The following UNC80 variants were observed in gnomAD, a reference collection of about 807,000 sequenced individuals.
UNC80 encodes unc-80 subunit of NALCN channel complex, also known as protein unc-80 homolog.
A neutral mutation model predicts 384.6 loss-of-function variants in UNC80; 164 were observed. That is an observed-to-expected ratio of 0.43 (90% CI 0.38 to 0.49). The LOEUF is 0.49. Among genes scored for constraint, UNC80 ranks in the 20% least tolerant of loss-of-function variants. The pLI is 0.00. For synonymous variants in UNC80, 1,486 were observed against 1,527.8 expected, an observed-to-expected ratio of 0.97 and a Z score of 0.64; for missense variants, 3,330 against 4,143.0, an observed-to-expected ratio of 0.80 and a Z score of 5.39.
chr2:209,870,095 C>A (rs945375344), intron 22 of UNC80, among the ~76,000 whole-genome samples: 1 of 152,122 alleles, frequency 6.6e-6, no homozygotes, highest in African/African-American at 2.4e-5. Context: ...ATAAAATGAT[C>A]CTCTACCCCA....
chr2:209,921,583 G>T lies in UNC80; in HGVS notation c.5427G>T (p.Lys1809Asn), dbSNP rs1407226002. 7.8e-7 allele frequency: 1 copy of T among 1,277,280 alleles called. No individual in the cohort carries two copies. The highest frequency in any genetic ancestry group is 3.2e-5 in the East Asian group (1 of 31,008). The allele number at this position is 1,277,280 out of a possible 1,614,324, so 79.1% of individuals were successfully genotyped here. A position where few individuals can be genotyped will look rare whatever the true frequency, so the allele number is the denominator to read the frequency against. The change falls in exon 34 of 65, where the codon AAG becomes AAT. Residue 1809 changes from lysine to asparagine, a missense_variant. Lys to Asn is a moderately conservative substitution (Grantham distance 94). Around this residue, in one of 8 missense-constraint regions of UNC80, gnomAD observed 1,049 missense variants for 1,488.6 expected, o/e 0.70. Transcript: ENST00000673920. The part of the protein sequence containing the change: ...ILKNLQQEEE[K>N]KRLGREASLI... ...AGAACTTGCAGCAGGAGGAAGAAAA[G>T]AAACGACTTGGTAGAGAAGCCAGCC...
chr2:209,819,405 C>A, intron 12 of UNC80, 144 bp downstream of exon 12: 3 of 701,128 alleles, frequency 4.3e-6, no homozygotes, highest in South Asian at 2.0e-5. Flanking sequence ...AAAAAATTCA[C>A]CAATGTTTCA....
intron 51 of UNC80, among the ~76,000 whole-genome samples, chr2:209,964,267 A>ATCG (rs68068715): frequency 2.4e-3 from 156 of 66,262 alleles, no homozygotes; most frequent in African/African-American, 0.016. Context: ...AACAACTAAT[A>ATCG]TAAAAAGAGT....
chr2:209,923,704 A>G (rs1413135192), intron 35 of UNC80, among the ~76,000 whole-genome samples: 1 of 152,140 alleles, frequency 6.6e-6, no homozygotes, highest in Non-Finnish European at 1.5e-5. Context: ...CACTTACAGT[A>G]TACTTTGTCT....
In UNC80 at chr2:209,976,487, T is replaced by C. The variant is rs2093017271; in HGVS notation, c.8772+184T>C. On this transcript the variant is annotated intron_variant, in intron 57 of 64. Coordinates refer to ENST00000673920, the MANE Select transcript of UNC80 (RefSeq NM_001371986.1). The surrounding 1 kb of genome is among the most constrained non-coding windows in gnomAD (Gnocchi z 4.3). ...ATTCCAGAGGATAAAAATTTCACAC[T>C]AGAAATGCCTTCACAGTAAGAGCTT... Among the ~76,000 whole-genome samples, 1 of 152,108 alleles carries C rather than the reference T, an allele frequency of 6.6e-6. No individual in the cohort carries two copies. The highest frequency in any genetic ancestry group is 1.5e-5 in the Non-Finnish European group (1 of 68,022).
At chr2:209,850,204 G>A (rs1217581147) in intron 22 of UNC80, among the ~76,000 whole-genome samples, 1 of 152,076 alleles carries the variant, frequency 6.6e-6, no homozygotes, top group African/African-American at 2.4e-5. Context: ...AGAGTATGAA[G>A]TGGATCTTGG....
At chr2:209,788,963 C>T (rs1041584043) in intron 5 of UNC80, among the ~76,000 whole-genome samples, 1 of 152,054 alleles carries the variant, frequency 6.6e-6, no homozygotes, top group African/African-American at 2.4e-5. Context: ...TGTATTTTTA[C>T]TGATATTTTC....
rs144011305 is a variant in UNC80 at position 209,786,156 on chromosome 2, G to T, written c.691G>T (p.Ala231Ser). Residue 231 changes from alanine (A) to serine (S), a missense_variant, in exon 5 of 65, where the codon GCA (alanine) becomes TCA (serine). Physicochemically the swap from Ala to Ser is moderately conservative, Grantham distance 99. Transcript: ENST00000673920. The stretch of plus-strand genomic sequence containing the variant: ...ACAGCCCGGAGTCTCTGGCTTTACC[G>T]CACTGGTGAAGCCCATCAGGAACAT... ...HRQPGVSGFT[A>S]LVKPIRNIIT... The T allele has an allele frequency of 1.9e-6, 3 of 1,613,902 alleles. No individual in the cohort carries two copies. The highest frequency in any genetic ancestry group is 1.3e-5 in the African/African-American group (1 of 75,006).
chr2:209,887,078 C>CCAGG (rs2085880268), intron 25 of UNC80, among the ~76,000 whole-genome samples: 1 of 151,892 alleles, frequency 6.6e-6, no homozygotes, highest in South Asian at 2.1e-4. Context: ...CTCTTGTTGC[C>CCAGG]CAGGCTGGAG....
intron 62 of UNC80, 139 bp from the exon 63 acceptor site, chr2:209,993,176 T>G: frequency 1.6e-6 from 1 of 619,366 alleles, no homozygotes; most frequent in Non-Finnish European, 2.7e-6. Flanking sequence ...TACTTATAGT[T>G]AAATATGCAG....
chr2:209,776,017 A>T lies in UNC80; in HGVS notation c.270A>T (p.Ala90=). 6.2e-7 allele frequency: 1 copy of T among 1,614,142 alleles called. No homozygotes were observed. Among genetic ancestry groups the T allele is most frequent in the Non-Finnish European group, 8.5e-7 (1 of 1,180,002 alleles). ...TGCCTCATGTCCTCCACTGCACTGC[A>T]ACCCTGCTTTCAAACCGAAACAAGC... The part of the protein sequence containing the change: ...AALPHVLHCT[A]TLLSNRNKLG... Residue 90 remains alanine, a synonymous_variant, in exon 3 of 65, where the codon GCA becomes GCT. Transcript: ENST00000673920.
chr2:209,986,435 C>T (rs906161520), intron 61 of UNC80, among the ~76,000 whole-genome samples: 2 of 152,144 alleles, frequency 1.3e-5, no homozygotes, highest in South Asian at 2.1e-4. Flanking sequence ...CTGGTAGGCT[C>T]AGGGTTCAGA....
intron 61 of UNC80, among the ~76,000 whole-genome samples, chr2:209,991,362 T>C (rs2093388089): frequency 6.6e-6 from 1 of 152,174 alleles, no homozygotes; most frequent in South Asian, 2.1e-4. Context: ...GCATGCAGAA[T>C]GAAAAAGGAC....
Position 209,936,976 on chromosome 2 carries a change from G to T in UNC80, c.6363+43G>T, listed in dbSNP as rs1423865791. 10 of 1,349,742 alleles carry T rather than the reference G, an allele frequency of 7.4e-6. No individual in the cohort carries two copies. In the South Asian group the frequency reaches 7.5e-5, roughly 10 times the overall value. The allele number at this position is 1,349,742 out of a possible 1,614,324, so 83.6% of individuals were successfully genotyped here. A position where few individuals can be genotyped will look rare whatever the true frequency, so the allele number is the denominator to read the frequency against. ...ACATCCCCGTTGAGTTGTGCCAAAG[G>T]CTTATCATGCCTACCTGAGGGTGGC... On this transcript the variant is annotated intron_variant, in intron 41 of 64. Transcript: ENST00000673920.
At position 209,944,301 on chromosome 2, in the gene UNC80, C is replaced by G. The variant is rs762145162; in HGVS notation, c.7051-750C>G. On this transcript the variant is annotated intron_variant, in intron 45 of 64. Coordinates refer to ENST00000673920, the MANE Select transcript of UNC80 (RefSeq NM_001371986.1). Reference sequence around the variant, plus strand: ...CTTTTTGTCACTCTCTACCACCTACCCTGCTTTGTTTTTCTTTTTCTTCAG... The same window carrying G: ...CTTTTTGTCACTCTCTACCACCTACGCTGCTTTGTTTTTCTTTTTCTTCAG... Among the ~76,000 whole-genome samples the G allele has an allele frequency of 5.1e-4, 78 of 152,194 alleles. 1 individual carries two copies. The highest frequency in any genetic ancestry group is 3.5e-4 in the Non-Finnish European group (24 of 68,000).
chr2:209,886,649 A>C (rs2085836060), intron 25 of UNC80, among the ~76,000 whole-genome samples: 2 of 152,090 alleles, frequency 1.3e-5, no homozygotes, highest in African/African-American at 4.8e-5. Flanking sequence ...AGGGAGTAAG[A>C]AATTCCCCCA....
intron 22 of UNC80, among the ~76,000 whole-genome samples, chr2:209,867,207 G>T (rs2083904268): frequency 6.6e-6 from 1 of 152,172 alleles, no homozygotes; most frequent in African/African-American, 2.4e-5. Flanking sequence ...AAATTTCCAG[G>T]CCCTACAATG....
intron 51 of UNC80, among the ~76,000 whole-genome samples, chr2:209,964,703 G>A (rs1295394417): frequency 4.0e-5 from 6 of 150,678 alleles, no homozygotes; most frequent in Non-Finnish European, 7.4e-5. Flanking sequence ...CAGGAGAATC[G>A]CTTGTACCGG....
At chr2:209,865,095 G>C (rs1051639675) in intron 22 of UNC80, among the ~76,000 whole-genome samples, 4 of 152,190 alleles carry the variant, frequency 2.6e-5, no homozygotes. Context: ...GACACTCCCT[G>C]GCCCTTTGTG....
Sources: gnomAD v4.1 joint callset for allele counts (sites outside exome capture counted in the v4.1 genomes callset) on GRCh38, gnomAD v4.1.1 for gene constraint, gnomAD v4.1.1 regional missense constraint, Gnocchi (gnomAD v3.1) non-coding constraint, MANE v1.5 for transcripts, NCBI Gene and HGNC (gene_info 2026-07-23, HGNC 2026-07-21) for gene names.